The following DGKK variants were observed in gnomAD, a reference collection of about 807,000 sequenced individuals.
The protein encoded by DGKK is diacylglycerol kinase kappa.
DGKK carries 35 observed loss-of-function variants against 92.2 expected under a neutral mutation model. The observed-to-expected ratio is 0.38, with a 90% confidence interval of 0.29 to 0.50. DGKK has a LOEUF of 0.50. Among genes scored for constraint, DGKK ranks in the 20% least tolerant of loss-of-function variants. The pLI, the probability that DGKK is intolerant of heterozygous loss-of-function variation, is 0.92. For missense variants in DGKK, 910 were observed against 992.2 expected (o/e 0.92, Z 1.11); for synonymous variants, 368 against 360.6 (o/e 1.02, Z -0.23).
intron 1 of DGKK, among the ~76,000 whole-genome samples, chrX:50,464,381 C>A (rs1926841252): frequency 1.8e-5 from 2 of 109,561 alleles, no homozygotes; most frequent in South Asian, 7.9e-4. Flanking sequence ...CCTCCCGCAC[C>A]CCCCGCGCCC....
intron 1 of DGKK, among the ~76,000 whole-genome samples, chrX:50,442,751 C>T (rs1455482050): frequency 8.9e-6 from 1 of 111,765 alleles, no homozygotes; most frequent in African/African-American, 3.2e-5. Context: ...GAGTCCTCTG[C>T]TTCAAGGTGT....
At chrX:50,430,459 C>T (rs1925859892) in intron 1 of DGKK, among the ~76,000 whole-genome samples, 1 of 111,795 alleles carries the variant, frequency 8.9e-6, no homozygotes, top group South Asian at 3.8e-4. Context: ...ACTATTAAAC[C>T]CTCAAGGCTG....
chrX:50,394,543 A>G (rs1207929951), intron 8 of DGKK, among the ~76,000 whole-genome samples: 1 of 111,872 alleles, frequency 8.9e-6, no homozygotes, highest in African/African-American at 3.3e-5. Flanking sequence ...TACATTATCC[A>G]AAAGTAGTAC....
intron 8 of DGKK, among the ~76,000 whole-genome samples, chrX:50,400,313 A>G (rs1924969181): frequency 8.9e-6 from 1 of 112,033 alleles, no homozygotes; most frequent in Non-Finnish European, 1.9e-5. Context: ...ACCTCTTGAT[A>G]GAAGACTCTA....
chrX:50,406,703 A>C, intron 4 of DGKK, among the ~76,000 whole-genome samples: 1 of 112,066 alleles, frequency 8.9e-6, no homozygotes, highest in East Asian at 2.8e-4. Context: ...GCAAAGAAAG[A>C]TCCTTCCCTA....
Position 50,392,517 on chromosome X carries a change from T to G in DGKK, c.1596-68A>C, listed in dbSNP as rs1924726282. Reference sequence around the variant, plus strand: ...GGGTTTTGTAACTTTTCCTACAATGTGTCAGGACACAAGGATTGCTGCTTT... The same window carrying G: ...GGGTTTTGTAACTTTTCCTACAATGGGTCAGGACACAAGGATTGCTGCTTT... On this transcript the variant is annotated intron_variant, in intron 9 of 27. Coordinates refer to ENST00000611977, the MANE Select transcript of DGKK (RefSeq NM_001013742.4). 1.0e-5 allele frequency: 9 copies of G among 871,933 alleles called. 1 individual carries two copies. The highest frequency in any genetic ancestry group is 5.4e-4 in the Middle Eastern group (2 of 3,690). 71.9% of individuals were successfully genotyped at this position (871,933 alleles called of 1,213,427 possible).
chrX:50,411,721 G>C (rs973696905), intron 4 of DGKK, among the ~76,000 whole-genome samples: 1 of 111,321 alleles, frequency 9.0e-6, no homozygotes, highest in Non-Finnish European at 1.9e-5. Context: ...GTAAAAACCA[G>C]AGCAATTAGG....
chrX:50,393,064 C>G, intron 9 of DGKK, 88 bp downstream of exon 9: 1 of 797,478 alleles, frequency 1.3e-6, no homozygotes, highest in Non-Finnish European at 1.8e-6. Flanking sequence ...AATACAAGAA[C>G]TGATTCCAAG....
At chrX:50,448,383 G>A (rs1200662091) in intron 1 of DGKK, among the ~76,000 whole-genome samples, 1 of 110,198 alleles carries the variant, frequency 9.1e-6, no homozygotes, top group Non-Finnish European at 1.9e-5. Flanking sequence ...TCTGGGGGTG[G>A]GAAGTGCTTT....
chrX:50,370,193 T>C (rs782076517), intron 27 of DGKK, among the ~76,000 whole-genome samples: 1 of 112,086 alleles, frequency 8.9e-6, no homozygotes, highest in Admixed American at 9.4e-5. Flanking sequence ...ATTTTTGTTT[T>C]CTGTATATGT....
intron 1 of DGKK, among the ~76,000 whole-genome samples, chrX:50,442,491 G>A (rs1377948955): frequency 9.0e-6 from 1 of 110,547 alleles, no homozygotes; most frequent in African/African-American, 3.3e-5. Context: ...TTCAGGACAC[G>A]GTCACCAAAA....
intron 1 of DGKK, among the ~76,000 whole-genome samples, chrX:50,449,883 T>A (rs1926456556): frequency 8.9e-6 from 1 of 112,174 alleles, no homozygotes; most frequent in African/African-American, 3.2e-5. Context: ...GTTTTTTAAA[T>A]ATTTTCTTTC....
chrX:50,383,271 G>A (rs1228813508), intron 17 of DGKK, among the ~76,000 whole-genome samples: 1 of 110,778 alleles, frequency 9.0e-6, no homozygotes, highest in Non-Finnish European at 1.9e-5. Context: ...ATGGTGGAAG[G>A]GTTTACACCA....
At chrX:50,464,386 G>A (rs978480408) in intron 1 of DGKK, among the ~76,000 whole-genome samples, 3 of 108,406 alleles carry the variant, frequency 2.8e-5, no homozygotes, top group Non-Finnish European at 5.7e-5. Context: ...CGCACCCCCC[G>A]CGCCCCTGCT....
rs147162565 is a variant in DGKK, at chrX:50,433,765, A to G, written c.646-9407T>C. 8.2e-4 allele frequency among the ~76,000 whole-genome samples: 91 copies of G among 111,524 alleles called. 1 individual carries two copies. The East Asian group carries it at 0.024, about 29-fold the overall frequency. On this transcript the variant is annotated intron_variant, in intron 1 of 27. Transcript: ENST00000611977. ...CAGGAAATCCAGTGAAAGGAATAGT[A>G]TAAGTGGAAGCTTCATGGGAGACAC... is the stretch of plus-strand genomic sequence containing the variant.
intron 1 of DGKK, among the ~76,000 whole-genome samples, chrX:50,464,624 T>C (rs968843884): frequency 5.4e-5 from 6 of 110,610 alleles, no homozygotes; most frequent in Admixed American, 3.8e-4. Flanking sequence ...GTTATTATCC[T>C]TGGCGAGGTT....
At chrX:50,390,457 G>T in intron 11 of DGKK, 48 bp from the exon 12 acceptor site, 1 of 1,120,709 alleles carries the variant, frequency 8.9e-7, no homozygotes, top group Non-Finnish European at 1.2e-6. Context: ...TTTCATGACT[G>T]GTAAAAATTA....
intron 1 of DGKK, among the ~76,000 whole-genome samples, chrX:50,457,701 C>T (rs1241224769): frequency 9.0e-6 from 1 of 111,671 alleles, no homozygotes; most frequent in Non-Finnish European, 1.9e-5. Flanking sequence ...GTGGATGGTA[C>T]GTTTATGCCT....
rs1430242320 is a variant in DGKK at position 50,392,595 on chromosome X, G to A, written c.1596-146C>T. 6.5e-5 allele frequency: 31 copies of A among 477,701 alleles called. No individual in the cohort carries two copies. The African/African-American group carries it at 6.7e-4, about 10-fold the overall frequency. 39.4% of individuals were successfully genotyped at this position (477,701 alleles called of 1,213,427 possible). A position where few individuals can be genotyped will look rare whatever the true frequency, so the allele number is the denominator to read the frequency against. On this transcript the variant is annotated intron_variant, in intron 9 of 27. Transcript: ENST00000611977. ...TCTTTCCCTTAGCCCTTATCTGTCT[G>A]TGGGATCTAAGACCATAGACCATCC...
Sources: gnomAD v4.1 joint callset for allele counts (sites outside exome capture counted in the v4.1 genomes callset) on GRCh38, gnomAD v4.1.1 for gene constraint, MANE v1.5 for transcripts, NCBI Gene and HGNC (gene_info 2026-07-23, HGNC 2026-07-21) for gene names.